CD22: variants seen among roughly 807,000 people sequenced by gnomAD.
CD22 encodes the protein B-cell receptor CD22.
CD22 carries 51 observed loss-of-function variants against 94.7 expected under a neutral mutation model. That is an observed-to-expected ratio of 0.54 (90% CI 0.43 to 0.68). The LOEUF (loss-of-function observed/expected upper bound fraction) is 0.68. Among genes scored for constraint, CD22 ranks in the 30% least tolerant of loss-of-function variants. The pLI, the probability that CD22 is intolerant of heterozygous loss-of-function variation, is 0.00. For missense variants in CD22, 931 were observed against 1,060.4 expected (o/e 0.88, Z 1.69); for synonymous variants, 424 against 422.5 (o/e 1.00, Z -0.04).
intron 6 of CD22, 88 bp from the exon 7 acceptor site, chr19:35,340,793 G>C (rs546216058): frequency 6.9e-7 from 1 of 1,451,834 alleles, no homozygotes; most frequent in South Asian, 1.2e-5. Context: ...AGATGCCCGG[G>C]ACAGGTAGCG....
In CD22 at chr19:35,345,691, C is replaced by A; in HGVS notation, c.2298C>A (p.Arg766=). The change falls in exon 12 of 14, where the codon CGC becomes CGA. Residue 766 remains arginine, a synonymous_variant. Coordinates refer to ENST00000085219, the MANE Select transcript of CD22 (RefSeq NM_001771.4). ...MEDGISYTTL[R]FPEMNIPRTG... The stretch of plus-strand genomic sequence containing the variant: ...ATGGCATTAGCTACACCACCCTGCG[C>A]TTTCCCGAGATGAACATACCACGAA... 4 of 1,613,498 alleles carry A rather than the reference C, an allele frequency of 2.5e-6. No individual in the cohort carries two copies. Among genetic ancestry groups the A allele is most frequent in the Non-Finnish European group, 3.4e-6 (4 of 1,179,382 alleles).
intron 10 of CD22, 57 bp from the exon 11 acceptor site, chr19:35,344,994 T>C: frequency 6.2e-7 from 1 of 1,602,798 alleles, no homozygotes; most frequent in Admixed American, 1.7e-5. Context: ...TTGCTCCATC[T>C]CGAAGCCTCC....
At position 35,346,881 on chromosome 19, in the gene CD22, G is replaced by T; in HGVS notation, c.*184G>T. The T allele has an allele frequency of 1.6e-6, 1 of 629,208 alleles. No individual in the cohort carries two copies. The highest frequency in any genetic ancestry group is 2.6e-6 in the Non-Finnish European group (1 of 379,384). 39.0% of individuals were successfully genotyped at this position (629,208 alleles called of 1,614,324 possible). ...TGCCTGGCTCAGAGCCAGTCTTTTT[G>T]GTGAGGGTAACCCCAAACCTCCAAA... is the stretch of plus-strand genomic sequence containing the variant. On this transcript the variant is annotated 3_prime_UTR_variant, in exon 14 of 14. Coordinates refer to ENST00000085219, the MANE Select transcript of CD22 (RefSeq NM_001771.4).
chr19:35,334,814 C>T (rs1429491654), intron 3 of CD22, among the ~76,000 whole-genome samples: 1 of 151,530 alleles, frequency 6.6e-6, no homozygotes, highest in Non-Finnish European at 1.5e-5. Context: ...CACGGTGGCT[C>T]ACGCCTGTAA....
chr19:35,333,277 G>A (rs2066671733), intron 3 of CD22, among the ~76,000 whole-genome samples: 3 of 152,192 alleles, frequency 2.0e-5, no homozygotes, highest in South Asian at 4.1e-4. Context: ...GGGTGGGTCT[G>A]CATGTAACCA....
At position 35,346,769 on chromosome 19, in the gene CD22, C is replaced by A; in HGVS notation, c.*72C>A. On this transcript the variant is annotated 3_prime_UTR_variant, in exon 14 of 14. Transcript: ENST00000085219. ...GAAGTCCCCGAGTTTCCCCAGACAC[C>A]GCCACATGGCTTCCTCCTGCGCGCA... The A allele has an allele frequency of 1.4e-6, 2 of 1,427,632 alleles. No homozygotes were observed. The highest frequency in any genetic ancestry group is 2.4e-5 in the East Asian group (1 of 42,258). The allele number at this position is 1,427,632 out of a possible 1,614,324, so 88.4% of individuals were successfully genotyped here. A position where few individuals can be genotyped will look rare whatever the true frequency, so the allele number is the denominator to read the frequency against.
intron 3 of CD22, among the ~76,000 whole-genome samples, chr19:35,334,922 C>G (rs2145652954): frequency 6.6e-6 from 1 of 151,794 alleles, no homozygotes. Context: ...ACTAAAAATG[C>G]AAAAAGTTAG....
At chr19:35,338,972 C>T (rs904453543) in intron 6 of CD22, among the ~76,000 whole-genome samples, 7 of 151,480 alleles carry the variant, frequency 4.6e-5, no homozygotes, top group Admixed American at 3.3e-4. Flanking sequence ...CGGTGGCTCC[C>T]GCCTGCAATC....
Position 35,346,238 on chromosome 19 carries a change from A to T in CD22, c.2412+3A>T. The T allele has an allele frequency of 6.2e-7, 1 of 1,612,758 alleles. No individual in the cohort carries two copies. The highest frequency in any genetic ancestry group is 1.1e-5 in the South Asian group (1 of 91,068). Reference sequence around the variant, plus strand: ...CAGCATTGCACAAGCGCCAAGTGGTAAGGAGGGTCTCCCCAGGTCTCCCCA... The same window carrying T: ...CAGCATTGCACAAGCGCCAAGTGGTTAGGAGGGTCTCCCCAGGTCTCCCCA... On this transcript the variant is annotated splice_donor_region_variant and intron_variant, in intron 13 of 13. Transcript: ENST00000085219.
rs1242714299 is a variant in CD22 at position 35,336,321 on chromosome 19, C to T, written c.698C>T (p.Thr233Met). Residue 233 changes from threonine to methionine, a missense_variant, in exon 4 of 14, where the codon ACG becomes ATG. Physicochemically the swap from Thr to Met is moderately conservative, Grantham distance 81. Transcript: ENST00000085219. ...DADGKFLSNDTVQLNVKHTPK... is the reference protein window; with the variant it reads ...DADGKFLSNDMVQLNVKHTPK... The stretch of plus-strand genomic sequence containing the variant: ...GATGGGAAGTTCCTCTCCAATGACA[C>T]GGTGCAGCTGAACGTGAAGCGTGAG... The T allele has an allele frequency of 1.4e-5, 22 of 1,614,038 alleles. No individual in the cohort carries two copies. Among genetic ancestry groups the T allele is most frequent in the Non-Finnish European group, 1.8e-5 (21 of 1,180,022 alleles).
intron 5 of CD22, 61 bp from the exon 6 acceptor site, chr19:35,338,107 C>T (rs1304263624): frequency 3.1e-5 from 49 of 1,575,780 alleles, no homozygotes; most frequent in South Asian, 1.1e-4. Flanking sequence ...CTCTCGGGGC[C>T]GTGTGCACAG....
chr19:35,343,272 A>G (rs1223922718), intron 9 of CD22, among the ~76,000 whole-genome samples: 6 of 152,124 alleles, frequency 3.9e-5, no homozygotes, highest in African/African-American at 1.2e-4. Context: ...AGCACCTGGT[A>G]AAAAAATAAA....
rs762011913 is a variant in CD22, at chr19:35,341,716, C to T, written c.1786C>T (p.Leu596=). Residue 596 remains leucine, a synonymous_variant, in exon 9 of 14, where the codon CTG becomes TTG. Transcript: ENST00000085219. The surrounding 1 kb of genome is among the most constrained non-coding windows in gnomAD (Gnocchi z 4.0). ...TLEVLYAPRR[L]RVSMSPGDQV... is the part of the protein sequence containing the mutation. The stretch of plus-strand genomic sequence containing the variant: ...CCGCCATGCAGATGCACCCAGGAGG[C>T]TGCGTGTGTCCATGAGCCCGGGGGA... 7 of 1,610,338 alleles carry T rather than the reference C, an allele frequency of 4.3e-6. No homozygotes were observed. The Admixed American group carries it at 1.0e-4, about 23-fold the overall frequency.
At chr19:35,342,811 C>T (rs888643252) in intron 9 of CD22, among the ~76,000 whole-genome samples, 3 of 151,874 alleles carry the variant, frequency 2.0e-5, no homozygotes, top group African/African-American at 4.8e-5. Context: ...TCTTTTAAAA[C>T]GTAAATGATT....
chr19:35,345,063 A>G lies in CD22; in HGVS notation c.2145A>G (p.Thr715=). Residue 715 remains threonine, a synonymous_variant, in exon 11 of 14, where the codon ACA becomes ACG. Transcript: ENST00000085219. ...CTTTATTTCTCAGTTGGAAGAGGAC[A>G]CAGAGCCAGCAGGGGCTTCAGGAGA... ...GLKLQRRWKR[T]QSQQGLQENS... 3.1e-6 allele frequency: 5 copies of G among 1,614,000 alleles called. No individual in the cohort carries two copies. Among genetic ancestry groups the G allele is most frequent in the Non-Finnish European group, 4.2e-6 (5 of 1,179,954 alleles).
intron 1 of CD22, 140 bp downstream of exon 1, chr19:35,329,370 G>T: frequency 2.2e-6 from 1 of 465,094 alleles, no homozygotes. Flanking sequence ...ACAACAGGTT[G>T]TAGACAGACC....
chr19:35,338,452 T>C (rs2145662872), intron 6 of CD22, 21 bp downstream of exon 6: 1 of 1,604,192 alleles, frequency 6.2e-7, no homozygotes. Context: ...ACGGAGCCTC[T>C]GGTTCTAGGG....
At chr19:35,345,155 T>G in intron 11 of CD22, 29 bp downstream of exon 11, 2 of 1,601,976 alleles carry the variant, frequency 1.2e-6, no homozygotes, top group Non-Finnish European at 1.7e-6. Flanking sequence ...CGATGGCTCA[T>G]GCCTGTAATC....
At chr19:35,338,544 C>A in intron 6 of CD22, 113 bp downstream of exon 6, 1 of 1,099,168 alleles carries the variant, frequency 9.1e-7, no homozygotes, top group Non-Finnish European at 1.3e-6. Context: ...CAAGGAGCAG[C>A]CAGGGTCTCC....
Sources: allele counts gnomAD v4.1 joint callset (sites outside exome capture counted in the v4.1 genomes callset), GRCh38; gene constraint gnomAD v4.1.1; non-coding constraint Gnocchi (gnomAD v3.1); transcripts MANE v1.5; gene names NCBI Gene and HGNC (gene_info 2026-07-23, HGNC 2026-07-21).